Variants in PELI2 observed in about 807,000 individuals in gnomAD.
PELI2 encodes E3 ubiquitin-protein ligase pellino homolog 2.
PELI2 carries 23 observed loss-of-function variants against 42.3 expected under a neutral mutation model. The observed-to-expected ratio is 0.54, with a 90% CI of 0.39 to 0.77. The LOEUF is 0.77. Ranked by LOEUF, PELI2 falls within the 30% of genes least tolerant of loss-of-function variation. The pLI, the probability that PELI2 is intolerant of heterozygous loss-of-function variation, is 0.00. For synonymous variants in PELI2, 245 were observed against 212.2 expected, an observed-to-expected ratio of 1.15 and a Z score of -1.34; for missense variants, 463 against 553.2, an observed-to-expected ratio of 0.84 and a Z score of 1.64.
At chr14:56,186,800 A>G (rs1366451550) in intron 2 of PELI2, among the ~76,000 whole-genome samples, 1 of 152,174 alleles carries the variant, frequency 6.6e-6, no homozygotes, top group African/African-American at 2.4e-5. Flanking sequence ...TTGGAAAAAT[A>G]ATTTAATTTG....
At chr14:56,145,753 A>T (rs181660246) in intron 1 of PELI2, among the ~76,000 whole-genome samples, 5 of 152,220 alleles carry the variant, frequency 3.3e-5, no homozygotes, top group Admixed American at 3.3e-4. Context: ...AAAGGAAAAG[A>T]TACGGCCTCT....
At chr14:56,286,242 T>C (rs1889641598) in intron 3 of PELI2, among the ~76,000 whole-genome samples, 1 of 152,122 alleles carries the variant, frequency 6.6e-6, no homozygotes, top group Non-Finnish European at 1.5e-5. Context: ...AGGGAGAACA[T>C]TGGAATACCA....
At chr14:56,252,966 C>A (rs1198401878) in intron 2 of PELI2, among the ~76,000 whole-genome samples, 4 of 152,180 alleles carry the variant, frequency 2.6e-5, no homozygotes, top group African/African-American at 9.7e-5. Context: ...CAGTAAAATA[C>A]TGGCAAACAG....
chr14:56,226,113 G>A (rs1033332070), intron 2 of PELI2, among the ~76,000 whole-genome samples: 9 of 152,150 alleles, frequency 5.9e-5, no homozygotes, highest in African/African-American at 2.2e-4. Flanking sequence ...CAGGTCAAGT[G>A]AGCCTGAGTC....
chr14:56,191,916 G>A (rs1369575687), intron 2 of PELI2, among the ~76,000 whole-genome samples: 2 of 152,268 alleles, frequency 1.3e-5, no homozygotes, highest in East Asian at 3.9e-4. Flanking sequence ...GTGCAGTGGT[G>A]TGATCTCGGC....
intron 2 of PELI2, among the ~76,000 whole-genome samples, chr14:56,235,563 G>C (rs1887762498): frequency 6.6e-6 from 1 of 152,240 alleles, no homozygotes; most frequent in Admixed American, 6.5e-5. Context: ...CAGACTGCCA[G>C]TGCTGCTGTG....
intron 2 of PELI2, among the ~76,000 whole-genome samples, chr14:56,241,181 A>G (rs1188620812): frequency 1.3e-5 from 2 of 152,206 alleles, no homozygotes; most frequent in African/African-American, 4.8e-5. Flanking sequence ...TGCTCCCTCC[A>G]GTAAAATGAA....
rs777169366 is a variant in PELI2 at position 56,296,758 on chromosome 14, T to C, written c.855T>C (p.Pro285=). 27 of 1,613,984 alleles carry C rather than the reference T, an allele frequency of 1.7e-5. No individual in the cohort carries two copies. Among genetic ancestry groups the C allele is most frequent in the Non-Finnish European group, 2.0e-5 (24 of 1,180,032 alleles). The change falls in exon 6 of 6, where the codon CCT becomes CCC. Residue 285 remains proline, a synonymous_variant. Coordinates refer to ENST00000267460, the MANE Select transcript of PELI2 (RefSeq NM_021255.3). ...TTAACGCCGCCCGGCCTCAGTGTCC[T>C]GTGGGGCTCAACACCCTGGCCTTCC... The part of the protein sequence containing the change: ...QEINAARPQC[P]VGLNTLAFPS...
intron 1 of PELI2, among the ~76,000 whole-genome samples, chr14:56,150,372 A>G (rs879879244): frequency 1.3e-5 from 2 of 152,206 alleles, no homozygotes; most frequent in Non-Finnish European, 1.5e-5. Context: ...AATTGGTCCA[A>G]TGTAATCTCG....
At chr14:56,162,118 C>G (rs934033618) in intron 1 of PELI2, among the ~76,000 whole-genome samples, 16 of 152,186 alleles carry the variant, frequency 1.1e-4, no homozygotes, top group African/African-American at 3.6e-4. Context: ...GAGTTACACA[C>G]AATCCGATTA....
intron 2 of PELI2, among the ~76,000 whole-genome samples, chr14:56,277,531 G>A (rs2139868942): frequency 6.6e-6 from 1 of 152,068 alleles, no homozygotes; most frequent in Non-Finnish European, 1.5e-5. Context: ...AATAATAATA[G>A]AAATAAAGTA....
At chr14:56,162,964 T>G (rs1884820449) in intron 1 of PELI2, among the ~76,000 whole-genome samples, 1 of 152,188 alleles carries the variant, frequency 6.6e-6, no homozygotes, top group East Asian at 1.9e-4. Flanking sequence ...TTTTTTTTGT[T>G]TGAGCTCCTT....
chr14:56,240,946 T>C (rs866991630), intron 2 of PELI2, among the ~76,000 whole-genome samples: 21 of 152,200 alleles, frequency 1.4e-4, no homozygotes, highest in African/African-American at 4.8e-4. Context: ...GCATTATCTT[T>C]ATACATATTT....
At chr14:56,250,762 G>A (rs1888317137) in intron 2 of PELI2, among the ~76,000 whole-genome samples, 1 of 152,264 alleles carries the variant, frequency 6.6e-6, no homozygotes, top group Admixed American at 6.5e-5. Flanking sequence ...TCAATCCGCT[G>A]ACTCAAATGT....
intron 2 of PELI2, among the ~76,000 whole-genome samples, chr14:56,181,785 T>C (rs1885590769): frequency 6.6e-6 from 1 of 152,164 alleles, no homozygotes; most frequent in South Asian, 2.1e-4. Flanking sequence ...TAGTGTTTAT[T>C]CATGTATGTA....
chr14:56,258,060 G>T (rs937316809), intron 2 of PELI2, among the ~76,000 whole-genome samples: 1 of 152,296 alleles, frequency 6.6e-6, no homozygotes, highest in Non-Finnish European at 1.5e-5. Context: ...AAAGGACTGG[G>T]ATTAGTTATG....
chr14:56,124,635 T>C (rs1004549399), intron 1 of PELI2, among the ~76,000 whole-genome samples: 8 of 152,204 alleles, frequency 5.3e-5, no homozygotes, highest in African/African-American at 1.9e-4. Flanking sequence ...GATACGCAGA[T>C]GAACAAGACA....
At chr14:56,294,734 G>A (rs932686078) in intron 5 of PELI2, among the ~76,000 whole-genome samples, 3 of 152,054 alleles carry the variant, frequency 2.0e-5, no homozygotes, top group East Asian at 3.9e-4. Context: ...TGTCTCCAAC[G>A]CTGCATCACA....
chr14:56,119,941 G>A (rs1371602836), intron 1 of PELI2: 5 of 548,316 alleles, frequency 9.1e-6, no homozygotes, highest in African/African-American at 4.1e-5. Flanking sequence ...TGATAAGTGA[G>A]TGCCTTGAAG....
Sources: allele counts gnomAD v4.1 joint callset (sites outside exome capture counted in the v4.1 genomes callset), GRCh38; gene constraint gnomAD v4.1.1; transcripts MANE v1.5; gene names NCBI Gene and HGNC (gene_info 2026-07-23, HGNC 2026-07-21).